Variants in TAB2 observed in about 807,000 individuals in gnomAD.
The protein encoded by TAB2 is TGF-beta-activated kinase 1 and MAP3K7-binding protein 2.
TAB2 carries 3 observed loss-of-function variants against 65.0 expected under a neutral mutation model. The ratio of observed to expected loss-of-function variants is 0.05; its 90% CI spans 0.02 to 0.12. The LOEUF is 0.12. Among genes scored for constraint, TAB2 ranks in the 10% least tolerant of loss-of-function variants. The pLI, the probability that TAB2 is intolerant of heterozygous loss-of-function variation, is 1.00. For synonymous variants in TAB2, 298 were observed against 285.1 expected, an observed-to-expected ratio of 1.05 and a Z score of -0.46; for missense variants, 623 against 840.3, an observed-to-expected ratio of 0.74 and a Z score of 3.20.
At chr6:149,370,494 C>T (rs961415162) in intron 2 of TAB2, among the ~76,000 whole-genome samples, 4 of 151,848 alleles carry the variant, frequency 2.6e-5, no homozygotes, top group Non-Finnish European at 5.9e-5. Flanking sequence ...AATGGGCACC[C>T]CAAGCATATC....
At chr6:149,384,082 AAAAG>A (rs1781708614) in intron 3 of TAB2, among the ~76,000 whole-genome samples, 1 of 152,200 alleles carries the variant, frequency 6.6e-6, no homozygotes, top group African/African-American at 2.4e-5. Context: ...TAAGAAAAAG[AAAAG>A]AAATATCTCG....
intron 1 of TAB2, among the ~76,000 whole-genome samples, chr6:149,305,925 G>C (rs1779058647): frequency 6.6e-6 from 1 of 152,154 alleles, no homozygotes; most frequent in African/African-American, 2.4e-5. Flanking sequence ...GCAATAATGA[G>C]GCCTAGGAAC....
At position 149,312,355 on chromosome 6, in the gene TAB2, TA is replaced by T. The variant is rs913025008; in HGVS notation, c.-120-65661del. The stretch of plus-strand genomic sequence containing the variant: ...TATCTCCTTTCCATGTGCTTTTTTT[TA>T]ATTTTTTTGTATTTATTTATTTATT... On this transcript the variant is annotated intron_variant, in intron 1 of 1. Transcript: ENST00000606202. Among the ~76,000 whole-genome samples, 13 of 152,064 alleles carry T rather than the reference TA, an allele frequency of 8.5e-5. No homozygotes were observed. In the East Asian group the frequency reaches 1.2e-3, roughly 14 times the overall value.
chr6:149,321,675 C>T (rs1052249460), intron 1 of TAB2, among the ~76,000 whole-genome samples: 5 of 152,148 alleles, frequency 3.3e-5, no homozygotes, highest in Non-Finnish European at 7.4e-5. Context: ...ACTCATTTTA[C>T]AGAATATGTT....
intron 1 of TAB2, among the ~76,000 whole-genome samples, chr6:149,301,099 C>T (rs1778964975): frequency 6.6e-6 from 1 of 152,220 alleles, no homozygotes; most frequent in Non-Finnish European, 1.5e-5. Context: ...CAGAGGTCCA[C>T]ATTGGGATGG....
At chr6:149,308,810 G>C (rs1231376970) in intron 1 of TAB2, among the ~76,000 whole-genome samples, 1 of 152,150 alleles carries the variant, frequency 6.6e-6, no homozygotes, top group East Asian at 1.9e-4. Context: ...ACAGGGGTGA[G>C]CCACCACGTC....
chr6:149,305,889 T>A (rs1425022247), intron 1 of TAB2, among the ~76,000 whole-genome samples: 2 of 152,166 alleles, frequency 1.3e-5, no homozygotes, highest in Non-Finnish European at 2.9e-5. Context: ...GTTTAGAAAA[T>A]TTTGTGAATT....
At chr6:149,404,986 A>C (rs563129121) in intron 6 of TAB2, among the ~76,000 whole-genome samples, 1 of 152,326 alleles carries the variant, frequency 6.6e-6, no homozygotes, top group South Asian at 2.1e-4. Flanking sequence ...TCCTTCAGAA[A>C]GGGAGAAAAT....
intron 1 of TAB2, among the ~76,000 whole-genome samples, chr6:149,228,145 T>G (rs1443226002): frequency 2.6e-5 from 4 of 152,132 alleles, no homozygotes; most frequent in South Asian, 4.2e-4. Flanking sequence ...GCCCCAAACT[T>G]GAAACCTAAG....
At chr6:149,275,238 A>AGAG (rs1778441134) in intron 1 of TAB2, among the ~76,000 whole-genome samples, 3 of 38,114 alleles carry the variant, frequency 7.9e-5, no homozygotes, top group Non-Finnish European at 1.9e-4. Context: ...GAGAGAGAGA[A>AGAG]AGAAAGAAAG....
At chr6:149,266,610 T>C (rs1400694623) in intron 1 of TAB2, among the ~76,000 whole-genome samples, 2 of 152,170 alleles carry the variant, frequency 1.3e-5, no homozygotes, top group African/African-American at 2.4e-5. Context: ...CCCTGTAAGT[T>C]TGTTTTGCCC....
chr6:149,391,157 A>C (rs541425448), intron 3 of TAB2, among the ~76,000 whole-genome samples: 1 of 152,336 alleles, frequency 6.6e-6, no homozygotes, highest in East Asian at 1.9e-4. Context: ...TCTTGGTTGA[A>C]TATCATTTCT....
chr6:149,270,819 T>G (rs61414913), intron 1 of TAB2, among the ~76,000 whole-genome samples: 25 of 152,170 alleles, frequency 1.6e-4, no homozygotes, highest in Non-Finnish European at 3.2e-4. Flanking sequence ...TTCTTCTCTT[T>G]TTTGGATCTA....
chr6:149,338,973 C>T (rs9498324), intron 1 of TAB2, among the ~76,000 whole-genome samples: 35,712 of 152,158 alleles, frequency 0.23, 4,392 homozygotes, highest in Non-Finnish European at 0.26. Context: ...AGGCACTGTT[C>T]TAAGTGCTGT....
At chr6:149,300,348 G>A (rs1778950011) in intron 1 of TAB2, among the ~76,000 whole-genome samples, 1 of 152,190 alleles carries the variant, frequency 6.6e-6, no homozygotes, top group Admixed American at 6.5e-5. Context: ...GTGGGTGCGA[G>A]GTTGACAGGG....
Position 149,375,507 on chromosome 6 carries a change from G to A in TAB2, c.103-2511G>A, listed in dbSNP as rs151306177. Among the ~76,000 whole-genome samples the A allele has an allele frequency of 1.8e-4, 27 of 152,128 alleles. 1 individual carries two copies. In the East Asian group the frequency reaches 4.1e-3, roughly 23 times the overall value. On this transcript the variant is annotated intron_variant, in intron 2 of 6. Transcript: ENST00000637181. ...CAAAGGATTAAAGGAATTTTTGAGC[G>A]CTCAAGAGAATTAAAGAGGAAGGCT...
chr6:149,329,318 A>T (rs1779714216), intron 1 of TAB2, among the ~76,000 whole-genome samples: 1 of 125,814 alleles, frequency 7.9e-6, no homozygotes, highest in African/African-American at 3.0e-5. Context: ...AATTAAGAAG[A>T]ATAGGTAATG....
chr6:149,410,987 C>CTTGT lies in TAB2; in HGVS notation c.*1268_*1269insTTGT, dbSNP rs1271463601. 6.6e-6 allele frequency: 1 copy of CTTGT among 152,096 alleles called. No homozygotes were observed. Among genetic ancestry groups the CTTGT allele is most frequent in the Non-Finnish European group, 1.5e-5 (1 of 67,934 alleles). The allele number at this position is 152,096 out of a possible 1,614,324, so 9.4% of individuals were successfully genotyped here. ...TGTGTATTTATAAAACAAGGCTAGCCATATTTAGGACAACTGAAGAAAAGC... is the reference window on the plus strand; with the variant it reads ...TGTGTATTTATAAAACAAGGCTAGCCTTGTATATTTAGGACAACTGAAGAAAAGC... On this transcript the variant is annotated 3_prime_UTR_variant, in exon 7 of 7. Coordinates refer to ENST00000637181, the MANE Select transcript of TAB2 (RefSeq NM_001292034.3).
intron 1 of TAB2, among the ~76,000 whole-genome samples, chr6:149,329,669 G>C (rs946628886): frequency 1.3e-5 from 2 of 148,298 alleles, no homozygotes; most frequent in African/African-American, 2.5e-5. Flanking sequence ...TGGAGCTGGG[G>C]GGGGCGGGGT....
Sources: gnomAD v4.1 joint callset for allele counts (sites outside exome capture counted in the v4.1 genomes callset) on GRCh38, gnomAD v4.1.1 for gene constraint, MANE v1.5 for transcripts, NCBI Gene and HGNC (gene_info 2026-07-23, HGNC 2026-07-21) for gene names.